EPC2: variants seen among roughly 807,000 people sequenced by gnomAD.
EPC2 encodes the protein enhancer of polycomb homolog 2.
EPC2 carries 14 observed loss-of-function variants against 92.1 expected under a neutral mutation model. The ratio of observed to expected loss-of-function variants is 0.15; its 90% CI spans 0.10 to 0.24. The LOEUF is 0.24. EPC2 is among the 10% of genes least tolerant of loss of function. The pLI, the probability that EPC2 is intolerant of heterozygous loss-of-function variation, is 1.00. For missense variants in EPC2, 755 were observed against 971.5 expected, an observed-to-expected ratio of 0.78 and a Z score of 2.96; for synonymous variants, 340 against 334.7, an observed-to-expected ratio of 1.02 and a Z score of -0.17.
chr2:148,707,736 T>C (rs1482941037), intron 2 of EPC2, among the ~76,000 whole-genome samples: 1 of 152,130 alleles, frequency 6.6e-6, no homozygotes, highest in East Asian at 1.9e-4. Context: ...AACAACCTGC[T>C]CCTGAATGAC....
rs367992874 is a variant in EPC2 at position 148,744,695 on chromosome 2, TATC to T, written c.459+931_459+933del. On this transcript the variant is annotated intron_variant, in intron 3 of 13. Coordinates refer to ENST00000258484, the MANE Select transcript of EPC2 (RefSeq NM_015630.4). ...CCTATTTTTCTATGTTTTCCAAATT[TATC>T]ATGAGCTATGTGTTGATACTATAAT... is the stretch of plus-strand genomic sequence containing the variant. Among the ~76,000 whole-genome samples the T allele has an allele frequency of 1.2e-3, 176 of 152,270 alleles. 1 individual carries two copies. The highest frequency in any genetic ancestry group is 2.3e-3 in the South Asian group (11 of 4,828).
intron 10 of EPC2, among the ~76,000 whole-genome samples, chr2:148,780,864 A>G (rs1197071583): frequency 6.6e-6 from 1 of 152,204 alleles, no homozygotes; most frequent in Non-Finnish European, 1.5e-5. Context: ...TCAGTGATCT[A>G]CTTAAATATC....
chr2:148,713,520 T>A (rs1682196857), intron 2 of EPC2, among the ~76,000 whole-genome samples: 1 of 152,156 alleles, frequency 6.6e-6, no homozygotes, highest in Non-Finnish European at 1.5e-5. Context: ...GAAAAAAAAT[T>A]TTTTTTAAGT....
chr2:148,659,065 A>G (rs563068453), intron 1 of EPC2, among the ~76,000 whole-genome samples: 1 of 152,192 alleles, frequency 6.6e-6, no homozygotes, highest in Admixed American at 6.6e-5. Context: ...GAGTTTACTG[A>G]ACTGTGATTT....
chr2:148,669,405 A>G (rs1275857607), intron 1 of EPC2, among the ~76,000 whole-genome samples: 1 of 152,194 alleles, frequency 6.6e-6, no homozygotes, highest in African/African-American at 2.4e-5. Flanking sequence ...GGCTGGGCAC[A>G]GTGGTTCACA....
At chr2:148,701,292 A>G (rs532629440) in intron 2 of EPC2, among the ~76,000 whole-genome samples, 2 of 152,270 alleles carry the variant, frequency 1.3e-5, no homozygotes, top group East Asian at 3.9e-4. Flanking sequence ...GACTTCCAGG[A>G]TGATGTTGCA....
intron 1 of EPC2, among the ~76,000 whole-genome samples, chr2:148,682,313 G>A (rs942438320): frequency 2.0e-5 from 3 of 152,170 alleles, no homozygotes; most frequent in Non-Finnish European, 4.4e-5. Context: ...TTCCACAATG[G>A]TTGAACTAGT....
chr2:148,766,905 T>C (rs1194265282), intron 7 of EPC2, among the ~76,000 whole-genome samples: 1 of 152,208 alleles, frequency 6.6e-6, no homozygotes, highest in Non-Finnish European at 1.5e-5. Flanking sequence ...TGCTGTAGAC[T>C]GGACATTGTG....
chr2:148,679,019 A>T (rs554835315), intron 1 of EPC2, among the ~76,000 whole-genome samples: 25 of 152,352 alleles, frequency 1.6e-4, no homozygotes, highest in African/African-American at 6.0e-4. Context: ...ACAGCACCCC[A>T]GCCTGGGTGA....
intron 2 of EPC2, among the ~76,000 whole-genome samples, chr2:148,699,304 T>C (rs1350920273): frequency 1.3e-5 from 2 of 152,234 alleles, no homozygotes; most frequent in African/African-American, 2.4e-5. Context: ...AATGATGTTA[T>C]TAAAGTTCAT....
intron 1 of EPC2, among the ~76,000 whole-genome samples, chr2:148,652,762 C>T (rs557838883): frequency 1.3e-5 from 2 of 152,120 alleles, no homozygotes; most frequent in African/African-American, 4.8e-5. Context: ...TTTGGCTTAT[C>T]GTTCTTTTAT....
At chr2:148,691,666 T>C in intron 2 of EPC2, 1 of 1,497,722 alleles carries the variant, frequency 6.7e-7, no homozygotes, top group South Asian at 1.2e-5. Flanking sequence ...AAGTTTTTGC[T>C]TGTTTGTTTT....
chr2:148,748,469 C>G (rs1683028270), intron 3 of EPC2, among the ~76,000 whole-genome samples: 1 of 152,016 alleles, frequency 6.6e-6, no homozygotes, highest in Admixed American at 6.6e-5. Flanking sequence ...TAAAATCATC[C>G]CAAACATCAC....
chr2:148,759,990 C>T (rs1047795349), intron 4 of EPC2, among the ~76,000 whole-genome samples: 2 of 152,084 alleles, frequency 1.3e-5, no homozygotes, highest in African/African-American at 4.8e-5. Flanking sequence ...TGCCTGTAAT[C>T]CCAGGACTTT....
intron 2 of EPC2, among the ~76,000 whole-genome samples, chr2:148,723,562 G>C (rs776558889): frequency 1.0e-3 from 152 of 152,154 alleles, no homozygotes; most frequent in Non-Finnish European, 1.6e-3. Context: ...CGATGCTTTT[G>C]CCTTGTGACC....
chr2:148,707,910 T>G (rs1028076299), intron 2 of EPC2, among the ~76,000 whole-genome samples: 2 of 152,114 alleles, frequency 1.3e-5, no homozygotes, highest in Non-Finnish European at 2.9e-5. Flanking sequence ...GATCTAAAAT[T>G]GACACCCTAA....
chr2:148,732,925 C>G (rs991447824), intron 2 of EPC2, among the ~76,000 whole-genome samples: 1 of 131,508 alleles, frequency 7.6e-6, no homozygotes, highest in Admixed American at 8.4e-5. Flanking sequence ...ATGGTCAATT[C>G]TAAATATTAA....
chr2:148,695,344 C>G (rs1681724222), intron 2 of EPC2, among the ~76,000 whole-genome samples: 2 of 152,202 alleles, frequency 1.3e-5, no homozygotes, highest in African/African-American at 4.8e-5. Flanking sequence ...CCGTTTGTGT[C>G]TGCTTCCAAG....
In EPC2 at chr2:148,716,730, G is replaced by A. The variant is rs1026115838; in HGVS notation, c.313+26357G>A. Among the ~76,000 whole-genome samples the A allele has an allele frequency of 2.6e-5, 4 of 152,034 alleles. No homozygotes were observed. The East Asian group carries it at 5.8e-4, about 22-fold the overall frequency. On this transcript the variant is annotated intron_variant, in intron 2 of 13. Transcript: ENST00000258484. The stretch of plus-strand genomic sequence containing the variant: ...TTTTGTTTTATCTCTGCCAGGTTTT[G>A]GTATCAGGATGATGCAGGCCTTATG...
Sources: gnomAD v4.1 joint callset for allele counts (sites outside exome capture counted in the v4.1 genomes callset) on GRCh38, gnomAD v4.1.1 for gene constraint, MANE v1.5 for transcripts, NCBI Gene and HGNC (gene_info 2026-07-23, HGNC 2026-07-21) for gene names.